The following ARHGAP39 variants were observed in gnomAD, a reference collection of about 807,000 sequenced individuals.
ARHGAP39 encodes the protein Rho GTPase activating protein 39, also known as rho GTPase-activating protein 39.
Under a neutral mutation model 106.9 loss-of-function variants are expected in ARHGAP39, and 44 were observed. That is an observed-to-expected ratio of 0.41 (90% CI 0.32 to 0.53). The LOEUF is 0.53. Ranked by LOEUF, ARHGAP39 falls within the 20% of genes least tolerant of loss-of-function variation. ARHGAP39 has a pLI of 0.21. For missense variants in ARHGAP39, 1,496 were observed against 1,577.3 expected (o/e 0.95, Z 0.87); for synonymous variants, 768 against 693.2 (o/e 1.11, Z -1.69).
At chr8:144,615,016 A>C (rs1247772335) in intron 1 of ARHGAP39, among the ~76,000 whole-genome samples, 1 of 152,114 alleles carries the variant, frequency 6.6e-6, no homozygotes, top group Non-Finnish European at 1.5e-5. Context: ...TTCATTCCCC[A>C]TTTCACCCCT....
intron 1 of ARHGAP39, among the ~76,000 whole-genome samples, chr8:144,631,963 T>G (rs954483940): frequency 6.6e-6 from 1 of 152,166 alleles, no homozygotes; most frequent in Non-Finnish European, 1.5e-5. Context: ...CTCAGAAAGC[T>G]AGGGCCATGA....
At chr8:144,536,294 G>C (rs570887927) in intron 7 of ARHGAP39, among the ~76,000 whole-genome samples, 21 of 152,184 alleles carry the variant, frequency 1.4e-4, no homozygotes, top group African/African-American at 4.8e-4. Context: ...GGCCTGCCCC[G>C]GGGACCTTAG....
intron 1 of ARHGAP39, among the ~76,000 whole-genome samples, chr8:144,677,391 G>A (rs1822270197): frequency 6.6e-6 from 1 of 152,228 alleles, no homozygotes; most frequent in Non-Finnish European, 1.5e-5. Flanking sequence ...AATGACCAAA[G>A]GAAGTGCAGA....
intron 4 of ARHGAP39, among the ~76,000 whole-genome samples, chr8:144,550,592 G>A (rs1394066841): frequency 6.6e-6 from 1 of 152,244 alleles, no homozygotes. Flanking sequence ...CCCTGACCAG[G>A]GACAACCTGC....
rs568547237 is a variant in ARHGAP39, at chr8:144,654,576, C to A, written c.-82+31110G>T. Among the ~76,000 whole-genome samples, 18 of 152,312 alleles carry A rather than the reference C, an allele frequency of 1.2e-4. No homozygotes were observed. In the South Asian group the frequency reaches 2.3e-3, roughly 19 times the overall value. On this transcript the variant is annotated intron_variant, in intron 1 of 11. Transcript: ENST00000377307. Reference sequence around the variant, plus strand: ...TCAAGACGGCCTGCTGCTGCCATCACGCTGGCTGCAGCAGGGAGGCGTGGC... The same window carrying A: ...TCAAGACGGCCTGCTGCTGCCATCAAGCTGGCTGCAGCAGGGAGGCGTGGC...
chr8:144,534,330 GC>G, intron 7 of ARHGAP39, 128 bp from the exon 8 acceptor site: 1 of 945,292 alleles, frequency 1.1e-6, no homozygotes, highest in Non-Finnish European at 1.6e-6. Flanking sequence ...GTCACCCCCT[GC>G]CCAGCACAGC....
chr8:144,627,307 G>C (rs1820944386), intron 1 of ARHGAP39, among the ~76,000 whole-genome samples: 1 of 152,196 alleles, frequency 6.6e-6, no homozygotes. Flanking sequence ...TGTAATCCCA[G>C]CATTTTGGGA....
upstream of ARHGAP39, among the ~76,000 whole-genome samples, chr8:144,689,560 C>G (rs572581700): frequency 2.1e-3 from 323 of 150,546 alleles, 3 homozygotes; most frequent in African/African-American, 7.2e-3. Context: ...CCTCAGCCTC[C>G]CGAGTAGCTG....
chr8:144,532,921 T>C (rs148319193), intron 9 of ARHGAP39, among the ~76,000 whole-genome samples: 106 of 152,346 alleles, frequency 7.0e-4, no homozygotes, highest in African/African-American at 2.4e-3. Context: ...GTGCTGCCTC[T>C]TTGGAATGGG....
At chr8:144,688,075 A>G (rs1356882191), upstream of ARHGAP39, among the ~76,000 whole-genome samples, 1 of 152,072 alleles carries the variant, frequency 6.6e-6, no homozygotes, top group Non-Finnish European at 1.5e-5. Flanking sequence ...AATTAAAAAT[A>G]TACAAAATAT....
At chr8:144,535,188 G>A (rs1042642766) in intron 7 of ARHGAP39, among the ~76,000 whole-genome samples, 1 of 152,200 alleles carries the variant, frequency 6.6e-6, no homozygotes, top group African/African-American at 2.4e-5. Flanking sequence ...GCAGTTTCTG[G>A]TGGACAGCTG....
At chr8:144,654,980 G>A (rs992407281) in intron 1 of ARHGAP39, among the ~76,000 whole-genome samples, 6 of 152,194 alleles carry the variant, frequency 3.9e-5, no homozygotes, top group Admixed American at 2.0e-4. Context: ...CACTCTTGGG[G>A]GCCCAGGAAG....
At chr8:144,616,954 G>C (rs1049138737) in intron 1 of ARHGAP39, among the ~76,000 whole-genome samples, 3 of 152,204 alleles carry the variant, frequency 2.0e-5, no homozygotes, top group African/African-American at 4.8e-5. Context: ...GCTCACACCT[G>C]GAATTGCAGC....
At chr8:144,682,263 A>AG (rs1822443335) in intron 1 of ARHGAP39, among the ~76,000 whole-genome samples, 1 of 117,604 alleles carries the variant, frequency 8.5e-6, no homozygotes, top group East Asian at 2.6e-4. Flanking sequence ...AAAAAAAAAA[A>AG]AAAAGGCCGG....
chr8:144,547,826 G>T lies in ARHGAP39; in HGVS notation c.1260C>A (p.Pro420=). 1 of 1,591,504 alleles carries T rather than the reference G, an allele frequency of 6.3e-7. No individual in the cohort carries two copies. The highest frequency in any genetic ancestry group is 8.5e-7 in the Non-Finnish European group (1 of 1,170,858). The part of the protein sequence containing the change: ...LRAGPRHKYA[P]NPGGGSYSLQ... The stretch of plus-strand genomic sequence containing the variant: ...AGGAGTACGAACCACCGCCGGGGTT[G>T]GGCGCGTACTTGTGCCGCGGGCCGG... Residue 420 remains proline (P), a synonymous_variant, in exon 5 of 12, where the codon CCC becomes CCA. Coordinates refer to ENST00000377307, the MANE Select transcript of ARHGAP39 (RefSeq NM_025251.3). This position sits in a 1 kb window ranked among gnomAD's most constrained non-coding sequence, Gnocchi z 5.2.
chr8:144,617,222 CAAA>C (rs1278969255), intron 1 of ARHGAP39, among the ~76,000 whole-genome samples: 1 of 151,436 alleles, frequency 6.6e-6, no homozygotes, highest in Non-Finnish European at 1.5e-5. Flanking sequence ...AAAAAAACAC[CAAA>C]AAAACAAAAA....
intron 1 of ARHGAP39, among the ~76,000 whole-genome samples, chr8:144,667,181 G>A (rs1345056382): frequency 2.0e-5 from 3 of 152,088 alleles, no homozygotes; most frequent in African/African-American, 4.8e-5. Context: ...AAGCCCACCC[G>A]CACCCCCATT....
intron 1 of ARHGAP39, chr8:144,683,173 G>A (rs1822473933): frequency 6.6e-6 from 1 of 151,140 alleles, no homozygotes; most frequent in Admixed American, 6.6e-5. Flanking sequence ...AAATTAGCCA[G>A]GCGTGGTGAC....
intron 1 of ARHGAP39, among the ~76,000 whole-genome samples, chr8:144,630,373 T>C (rs1821030660): frequency 6.6e-6 from 1 of 152,140 alleles, no homozygotes; most frequent in African/African-American, 2.4e-5. Flanking sequence ...GGTCATTCTG[T>C]CACAATTTTG....
Sources: gnomAD v4.1 joint callset for allele counts (sites outside exome capture counted in the v4.1 genomes callset) on GRCh38, gnomAD v4.1.1 for gene constraint, Gnocchi (gnomAD v3.1) non-coding constraint, MANE v1.5 for transcripts, NCBI Gene and HGNC (gene_info 2026-07-23, HGNC 2026-07-21) for gene names.